The following NPY2R variants were observed in gnomAD, a reference collection of about 807,000 sequenced individuals.
The protein encoded by NPY2R is neuropeptide Y receptor type 2.
A neutral mutation model predicts 22.3 loss-of-function variants in NPY2R; 17 were observed. The observed-to-expected ratio is 0.76, with a 90% CI of 0.52 to 1.14. NPY2R has a LOEUF of 1.14. Among genes scored for constraint, NPY2R ranks in the 50% most tolerant of loss-of-function variants. NPY2R has a pLI of 0.00. For missense variants in NPY2R, 424 were observed against 467.9 expected, an observed-to-expected ratio of 0.91 and a Z score of 0.87; for synonymous variants, 209 against 183.4, an observed-to-expected ratio of 1.14 and a Z score of -1.13.
the NPY2R span, among the ~76,000 whole-genome samples, chr4:155,203,173 G>T: frequency 8.5e-5 from 13 of 152,066 alleles, no homozygotes; most frequent in African/African-American, 2.9e-4. Flanking sequence ...AAAATAAAAA[G>T]CCAAATCCAC....
At chr4:155,211,302 G>T (rs1729399505) in intron 1 of NPY2R, among the ~76,000 whole-genome samples, 1 of 152,188 alleles carries the variant, frequency 6.6e-6, no homozygotes, top group African/African-American at 2.4e-5. Context: ...AACGTGGCAT[G>T]TGGTACATGC....
chr4:155,188,577 A>T, the NPY2R span, among the ~76,000 whole-genome samples: 7 of 152,202 alleles, frequency 4.6e-5, no homozygotes, highest in East Asian at 1.4e-3. Context: ...TATGTTACAT[A>T]TGAGTAAAAC....
the NPY2R span, among the ~76,000 whole-genome samples, chr4:155,190,020 A>G: frequency 6.6e-6 from 1 of 152,028 alleles, no homozygotes; most frequent in South Asian, 2.1e-4. Flanking sequence ...CACTGAATGT[A>G]CATCAGGGCT....
At chr4:155,177,764 G>A in the NPY2R span, among the ~76,000 whole-genome samples, 44 of 152,156 alleles carry the variant, frequency 2.9e-4, no homozygotes, top group Non-Finnish European at 5.3e-4. Flanking sequence ...CATAGAGTTA[G>A]CACCACATGT....
chr4:155,209,434 A>G (rs538506066), intron 1 of NPY2R, among the ~76,000 whole-genome samples: 1 of 152,326 alleles, frequency 6.6e-6, no homozygotes, highest in South Asian at 2.1e-4. Flanking sequence ...CATTCATTTA[A>G]GCGTTTGCTC....
upstream of NPY2R, among the ~76,000 whole-genome samples, chr4:155,204,765 A>C (rs1284334978): frequency 1.3e-5 from 2 of 151,020 alleles, no homozygotes; most frequent in Non-Finnish European, 2.9e-5. Context: ...ATTTTACACC[A>C]ATATGCTGAT....
At chr4:155,196,640 C>G in the NPY2R span, among the ~76,000 whole-genome samples, 1 of 151,818 alleles carries the variant, frequency 6.6e-6, no homozygotes, top group Non-Finnish European at 1.5e-5. Context: ...GCTGAAGAGC[C>G]TTTTAATAAG....
chr4:155,195,410 C>T, the NPY2R span, among the ~76,000 whole-genome samples: 2 of 151,862 alleles, frequency 1.3e-5, no homozygotes, highest in African/African-American at 4.8e-5. Context: ...ACCTTAGTGT[C>T]CGGGGCAGAG....
chr4:155,188,100 CT>C, the NPY2R span, among the ~76,000 whole-genome samples: 1 of 152,054 alleles, frequency 6.6e-6, no homozygotes, highest in South Asian at 2.1e-4. Flanking sequence ...CATAACACAC[CT>C]CATAAGCACT....
chr4:155,186,259 A>G, the NPY2R span, among the ~76,000 whole-genome samples: 1 of 152,160 alleles, frequency 6.6e-6, no homozygotes, highest in Admixed American at 6.6e-5. Flanking sequence ...CAGACTTGTG[A>G]CTCAATTTAG....
chr4:155,194,183 C>G, the NPY2R span, among the ~76,000 whole-genome samples: 4 of 151,852 alleles, frequency 2.6e-5, no homozygotes, highest in Non-Finnish European at 5.9e-5. Context: ...TGAATAATTC[C>G]TAGAGATCTA....
intron 1 of NPY2R, among the ~76,000 whole-genome samples, chr4:155,211,100 T>C (rs1560763798): frequency 6.6e-6 from 1 of 152,232 alleles, no homozygotes; most frequent in East Asian, 1.9e-4. Context: ...ATCAAAATTA[T>C]ACTTTCCATT....
At chr4:155,175,574 AAGT>A in the NPY2R span, among the ~76,000 whole-genome samples, 32 of 152,090 alleles carry the variant, frequency 2.1e-4, no homozygotes, top group Admixed American at 7.9e-4. Flanking sequence ...ATGTTGGTAA[AAGT>A]AGTTAGTTGC....
the NPY2R span, among the ~76,000 whole-genome samples, chr4:155,196,345 A>T: frequency 1.3e-5 from 2 of 151,972 alleles, no homozygotes; most frequent in African/African-American, 4.8e-5. Context: ...AAATTCACAT[A>T]GTTTACCTTT....
the NPY2R span, among the ~76,000 whole-genome samples, chr4:155,201,542 T>A: frequency 6.6e-6 from 1 of 152,080 alleles, no homozygotes; most frequent in Non-Finnish European, 1.5e-5. Flanking sequence ...AAGAGCAACA[T>A]AAAATAACTG....
chr4:155,205,687 T>C (rs1729269242), upstream of NPY2R, among the ~76,000 whole-genome samples: 1 of 152,322 alleles, frequency 6.6e-6, no homozygotes, highest in Non-Finnish European at 1.5e-5. Context: ...TGAGAAATGG[T>C]CTATGGGGTA....
At chr4:155,198,462 A>G in the NPY2R span, among the ~76,000 whole-genome samples, 17 of 141,020 alleles carry the variant, frequency 1.2e-4, no homozygotes, top group Non-Finnish European at 2.3e-4. Flanking sequence ...AACATTTAAA[A>G]TTAAGTAATA....
At chr4:155,174,670 C>T in the NPY2R span, among the ~76,000 whole-genome samples, 3 of 151,476 alleles carry the variant, frequency 2.0e-5, no homozygotes, top group African/African-American at 4.9e-5. Context: ...AGTTCTTTTC[C>T]ATCCCTAATA....
In NPY2R at chr4:155,216,793, C is replaced by T. The variant is rs902090814; in HGVS notation, c.*1708C>T. On this transcript the variant is annotated 3_prime_UTR_variant, in exon 2 of 2. Coordinates refer to ENST00000329476, the MANE Select transcript of NPY2R (RefSeq NM_000910.4). The stretch of plus-strand genomic sequence containing the variant: ...TCAAATGATTCATTTTTCTGTTAGA[C>T]TAGGCAAATTGTTCAAAAATAACCT... 4 of 166,920 alleles carry T rather than the reference C, an allele frequency of 2.4e-5. No homozygotes were observed. The highest frequency in any genetic ancestry group is 9.7e-5 in the African/African-American group (4 of 41,420). The allele number at this position is 166,920 out of a possible 1,614,324, so 10.3% of individuals were successfully genotyped here.
Sources: allele counts gnomAD v4.1 joint callset (sites outside exome capture counted in the v4.1 genomes callset), GRCh38; gene constraint gnomAD v4.1.1; transcripts MANE v1.5; gene names NCBI Gene and HGNC (gene_info 2026-07-23, HGNC 2026-07-21).